Variants in KHDRBS2 observed in about 807,000 individuals in gnomAD.
KHDRBS2 encodes the protein KH domain-containing, RNA-binding, signal transduction-associated protein 2.
A neutral mutation model predicts 44.3 loss-of-function variants in KHDRBS2; 26 were observed. The observed-to-expected ratio is 0.59, with a 90% CI of 0.43 to 0.81. The LOEUF is 0.81. Ranked by LOEUF, KHDRBS2 falls within the 40% of genes least tolerant of loss-of-function variation. The pLI is 0.00. For synonymous variants in KHDRBS2, 194 were observed against 151.1 expected (o/e 1.28, Z -2.08); for missense variants, 476 against 433.1 (o/e 1.10, Z -0.88).
chr6:62,019,911 GTATTT>G (rs1430682535), intron 3 of KHDRBS2, among the ~76,000 whole-genome samples: 1 of 150,430 alleles, frequency 6.6e-6, no homozygotes, highest in Non-Finnish European at 1.5e-5. Flanking sequence ...TTTTTGTTTT[GTATTT>G]TATTTATGTT....
intron 3 of KHDRBS2, among the ~76,000 whole-genome samples, chr6:61,999,505 A>G (rs1459334436): frequency 3.3e-5 from 5 of 152,074 alleles, no homozygotes; most frequent in African/African-American, 1.2e-4. Flanking sequence ...GGTATACCAA[A>G]AACACATCCT....
intron 2 of KHDRBS2, among the ~76,000 whole-genome samples, chr6:62,062,467 A>C (rs1441769479): frequency 3.3e-5 from 5 of 151,914 alleles, no homozygotes; most frequent in South Asian, 2.1e-4. Flanking sequence ...ACTCAGGATT[A>C]AGAATCTCAC....
At chr6:62,236,122 A>G (rs1485335454) in intron 1 of KHDRBS2, among the ~76,000 whole-genome samples, 5 of 152,076 alleles carry the variant, frequency 3.3e-5, no homozygotes, top group Non-Finnish European at 7.4e-5. Context: ...TTGACACACC[A>G]TAAATATACC....
intron 6 of KHDRBS2, among the ~76,000 whole-genome samples, chr6:61,846,568 G>A (rs907952260): frequency 6.6e-6 from 1 of 152,080 alleles, no homozygotes; most frequent in Non-Finnish European, 1.5e-5. Flanking sequence ...AGAAAGAAGA[G>A]TTAAACTTTT....
the KHDRBS2 span, among the ~76,000 whole-genome samples, chr6:61,590,122 C>T: frequency 6.6e-6 from 1 of 152,116 alleles, no homozygotes. Context: ...TGTGTTTTTG[C>T]CCATTTTTTT....
At chr6:62,250,968 T>C (rs1836426761) in intron 1 of KHDRBS2, among the ~76,000 whole-genome samples, 1 of 151,936 alleles carries the variant, frequency 6.6e-6, no homozygotes, top group Non-Finnish European at 1.5e-5. Context: ...GAAGAAATAC[T>C]ACAAAGAATA....
intron 8 of KHDRBS2, among the ~76,000 whole-genome samples, chr6:61,685,727 G>C (rs1400957353): frequency 6.6e-6 from 1 of 151,714 alleles, no homozygotes; most frequent in African/African-American, 2.4e-5. Flanking sequence ...AAAAGTTTCT[G>C]TATCTCAAAT....
chr6:61,856,670 T>G (rs1030640519), intron 6 of KHDRBS2, among the ~76,000 whole-genome samples: 1 of 152,040 alleles, frequency 6.6e-6, no homozygotes, highest in Non-Finnish European at 1.5e-5. Flanking sequence ...ATGTAGAAGG[T>G]CTGTTTCCAG....
chr6:61,607,519 G>GAAAAAAAAAA, the KHDRBS2 span, among the ~76,000 whole-genome samples: 780 of 23,272 alleles, frequency 0.034, 142 homozygotes, highest in Middle Eastern at 0.071. Flanking sequence ...TGAGTTCCAA[G>GAAAAAAAAAA]CAAAAAAAAA....
At chr6:62,252,927 A>G (rs1836781622) in intron 1 of KHDRBS2, among the ~76,000 whole-genome samples, 1 of 152,040 alleles carries the variant, frequency 6.6e-6, no homozygotes, top group South Asian at 2.1e-4. Flanking sequence ...AATTATGATC[A>G]TAACTATAAA....
rs750895367 is a variant in KHDRBS2 at position 61,697,189 on chromosome 6, T to C, written c.952+6A>G. The C allele has an allele frequency of 1.3e-6, 2 of 1,585,248 alleles. No homozygotes were observed. Among genetic ancestry groups the C allele is most frequent in the Admixed American group, 3.3e-5 (2 of 59,954 alleles). ...TTTCACAGTTTTAGTAAAGAAAAGG[T>C]CTTACCGTAGCTGTCATAGGCATCC... On this transcript the variant is annotated splice_donor_region_variant and intron_variant, in intron 8 of 8. Transcript: ENST00000281156.
At chr6:61,595,788 A>G in the KHDRBS2 span, among the ~76,000 whole-genome samples, 3 of 151,784 alleles carry the variant, frequency 2.0e-5, no homozygotes, top group Non-Finnish European at 2.9e-5. Context: ...TATATAAACA[A>G]ACATATTAAT....
chr6:61,741,260 G>A (rs1776096529), intron 6 of KHDRBS2, among the ~76,000 whole-genome samples: 1 of 151,716 alleles, frequency 6.6e-6, no homozygotes, highest in African/African-American at 2.4e-5. Context: ...AAATGGAATG[G>A]TAAACAGAAT....
chr6:61,863,255 A>AG (rs201983600), intron 6 of KHDRBS2, among the ~76,000 whole-genome samples: 2 of 133,814 alleles, frequency 1.5e-5, no homozygotes, highest in Non-Finnish European at 3.2e-5. Context: ...GAGCTTTTGA[A>AG]GGGGTTTTTT....
chr6:61,954,850 G>GTGTGTATATATGTATATATA lies in KHDRBS2; in HGVS notation c.483+23215_483+23216insTATATATACATATATACACA, dbSNP rs1562513832. On this transcript the variant is annotated intron_variant, in intron 4 of 8. Coordinates refer to ENST00000281156, the MANE Select transcript of KHDRBS2 (RefSeq NM_152688.4). ...CACATGCATATGTATGTATACATAT[G>GTGTGTATATATGTATATATA]CATGTGTATATACACATACATATGT... 7.4e-4 allele frequency among the ~76,000 whole-genome samples: 32 copies of GTGTGTATATATGTATATATA among 43,532 alleles called. 5 individuals carry two copies. Among genetic ancestry groups the GTGTGTATATATGTATATATA allele is most frequent in the African/African-American group, 3.0e-3 (31 of 10,458 alleles). 28.6% of individuals were successfully genotyped at this position (43,532 alleles called of 152,430 possible).
chr6:61,555,671 T>C, the KHDRBS2 span, among the ~76,000 whole-genome samples: 3 of 152,228 alleles, frequency 2.0e-5, no homozygotes, highest in Non-Finnish European at 4.4e-5. Flanking sequence ...TGCTGTCCTT[T>C]GGACATTTGT....
intron 5 of KHDRBS2, among the ~76,000 whole-genome samples, chr6:61,895,782 T>A (rs1161452906): frequency 3.3e-5 from 5 of 152,092 alleles, no homozygotes; most frequent in African/African-American, 1.2e-4. Context: ...GGGAAAAAAA[T>A]GATGATCATT....
chr6:61,775,677 T>C (rs185917204), intron 6 of KHDRBS2, among the ~76,000 whole-genome samples: 40 of 152,354 alleles, frequency 2.6e-4, no homozygotes, highest in Admixed American at 8.5e-4. Flanking sequence ...TCCATGCTCA[T>C]GGGTAGGAAG....
intron 1 of KHDRBS2, among the ~76,000 whole-genome samples, chr6:62,271,525 G>A (rs1449234710): frequency 6.6e-6 from 1 of 152,040 alleles, no homozygotes; most frequent in South Asian, 2.1e-4. Context: ...TTGTTAAACA[G>A]GCTCAGGCAG....
Sources: allele counts gnomAD v4.1 joint callset (sites outside exome capture counted in the v4.1 genomes callset), GRCh38; gene constraint gnomAD v4.1.1; transcripts MANE v1.5; gene names NCBI Gene and HGNC (gene_info 2026-07-23, HGNC 2026-07-21).